The following OTULIN variants were observed in gnomAD, a reference collection of about 807,000 sequenced individuals.
OTULIN encodes OTU deubiquitinase with linear linkage specificity.
In OTULIN, 15 loss-of-function variants were observed where a neutral mutation model predicts 39.6. That is an observed-to-expected ratio of 0.38 (90% CI 0.25 to 0.58). The LOEUF is 0.58. OTULIN is among the 20% of genes least tolerant of loss of function. The pLI is 0.66. For missense variants in OTULIN, 319 were observed against 445.9 expected, an observed-to-expected ratio of 0.72 and a Z score of 2.56; for synonymous variants, 156 against 170.3, an observed-to-expected ratio of 0.92 and a Z score of 0.65.
chr5:14,673,774 A>C, intron 2 of OTULIN, 56 bp downstream of exon 2: 1 of 1,454,538 alleles, frequency 6.9e-7, no homozygotes, highest in East Asian at 2.3e-5. Flanking sequence ...CAGAAAATGC[A>C]GTTAAATCCG....
At chr5:14,673,225 C>T (rs1018301031) in intron 1 of OTULIN, among the ~76,000 whole-genome samples, 2 of 152,108 alleles carry the variant, frequency 1.3e-5, no homozygotes, top group Admixed American at 6.5e-5. Flanking sequence ...TTACAAAGGT[C>T]GGCAATGGGG....
intron 4 of OTULIN, among the ~76,000 whole-genome samples, chr5:14,685,857 T>G (rs1736375589): frequency 6.9e-6 from 1 of 145,662 alleles, no homozygotes; most frequent in African/African-American, 2.5e-5. Flanking sequence ...TAATTTTAGC[T>G]TGTTGCCACT....
At chr5:14,709,846 G>T in the OTULIN span, 3 of 152,580 alleles carry the variant, frequency 2.0e-5, no homozygotes, top group African/African-American at 7.2e-5. Context: ...TTGAAAATGC[G>T]AAAATAGGAA....
the OTULIN span, chr5:14,713,797 G>A: frequency 3.0e-6 from 4 of 1,329,934 alleles, no homozygotes; most frequent in Admixed American, 1.7e-5. This position sits in a 1 kb window ranked among gnomAD's most constrained non-coding sequence, Gnocchi z 4.4. Flanking sequence ...TTGAGCCGCT[G>A]GCCACCTCAT....
At chr5:14,708,015 C>T in the OTULIN span, 1 of 152,192 alleles carries the variant, frequency 6.6e-6, no homozygotes, top group African/African-American at 2.4e-5. Flanking sequence ...CGTCAATACT[C>T]CCTGAGCCAT....
chr5:14,675,613 A>G (rs1387208231), intron 2 of OTULIN, among the ~76,000 whole-genome samples: 1 of 152,208 alleles, frequency 6.6e-6, no homozygotes, highest in Non-Finnish European at 1.5e-5. Context: ...TTCACCCTGT[A>G]GGCTCTCGGT....
At chr5:14,711,038 G>GTA in the OTULIN span, 1 of 716,626 alleles carries the variant, frequency 1.4e-6, no homozygotes, top group Non-Finnish European at 2.5e-6. Context: ...AGCATACCCA[G>GTA]TATGCTAGAG....
the OTULIN span, among the ~76,000 whole-genome samples, chr5:14,713,990 C>T: frequency 6.6e-6 from 1 of 152,264 alleles, no homozygotes; most frequent in Admixed American, 6.5e-5. This position sits in a 1 kb window ranked among gnomAD's most constrained non-coding sequence, Gnocchi z 4.4. Flanking sequence ...GCCAGCCTCG[C>T]CCTCTGATCA....
intron 1 of OTULIN, among the ~76,000 whole-genome samples, chr5:14,669,864 A>G (rs114925822): frequency 0.013 from 2,053 of 152,346 alleles, 52 homozygotes; most frequent in Admixed American, 0.061. Flanking sequence ...ACACATAACT[A>G]TAGTGATCAG....
At chr5:14,711,983 C>T in the OTULIN span, among the ~76,000 whole-genome samples, 1 of 152,252 alleles carries the variant, frequency 6.6e-6, no homozygotes, top group South Asian at 2.1e-4. Context: ...ATCCCACCAA[C>T]CCTTCATTGT....
chr5:14,704,147 T>A (rs1458152875), downstream of OTULIN, among the ~76,000 whole-genome samples: 1 of 151,696 alleles, frequency 6.6e-6, no homozygotes, highest in South Asian at 2.1e-4. Flanking sequence ...CTAGCCAACA[T>A]GGTGAAACCC....
chr5:14,711,868 A>G, the OTULIN span, among the ~76,000 whole-genome samples: 1 of 151,688 alleles, frequency 6.6e-6, no homozygotes, highest in Admixed American at 6.6e-5. Flanking sequence ...GCCCCACCTC[A>G]GCCACTGCTG....
intron 5 of OTULIN, 152 bp downstream of exon 5, chr5:14,687,798 C>T: frequency 2.2e-6 from 2 of 896,784 alleles, no homozygotes; most frequent in Non-Finnish European, 3.3e-6. Context: ...AAACTCTTCC[C>T]ACGAGGGCTT....
At chr5:14,666,548 A>C (rs1735849666) in intron 1 of OTULIN, among the ~76,000 whole-genome samples, 1 of 152,184 alleles carries the variant, frequency 6.6e-6, no homozygotes, top group South Asian at 2.1e-4. Flanking sequence ...AGGCAGAGAG[A>C]CATGATTTAT....
chr5:14,716,004 CT>C, the OTULIN span, among the ~76,000 whole-genome samples: 2 of 152,122 alleles, frequency 1.3e-5, no homozygotes, highest in African/African-American at 4.8e-5. Context: ...CTCTATTTTT[CT>C]TTTTTTGATT....
the OTULIN span, chr5:14,713,538 A>C: frequency 6.2e-7 from 1 of 1,614,066 alleles, no homozygotes; most frequent in Non-Finnish European, 8.5e-7. This position sits in a 1 kb window ranked among gnomAD's most constrained non-coding sequence, Gnocchi z 4.4. Context: ...CTCCCTGACA[A>C]CATACCCCAG....
chr5:14,672,108 C>G (rs1006737399), intron 1 of OTULIN, among the ~76,000 whole-genome samples: 1 of 152,076 alleles, frequency 6.6e-6, no homozygotes, highest in East Asian at 1.9e-4. Context: ...TGGCGTGTAT[C>G]GTGATGTGTT....
At position 14,693,949 on chromosome 5, in the gene OTULIN, T is replaced by G. The variant is rs981982344; in HGVS notation, c.*901T>G. 7 of 152,170 alleles carry G rather than the reference T, an allele frequency of 4.6e-5. No individual in the cohort carries two copies. Among genetic ancestry groups the G allele is most frequent in the African/African-American group, 1.7e-4 (7 of 41,442 alleles). 9.4% of individuals were successfully genotyped at this position (152,170 alleles called of 1,614,324 possible). On this transcript the variant is annotated 3_prime_UTR_variant, in exon 7 of 7. Transcript: ENST00000284274. Reference sequence around the variant, plus strand: ...TTAATTATTCTACAGTTCCATAGATTCACAATTTTATAGCCAAACAGTTTG... The same window carrying G: ...TTAATTATTCTACAGTTCCATAGATGCACAATTTTATAGCCAAACAGTTTG...
chr5:14,688,646 GT>G (rs1194726289), intron 5 of OTULIN, among the ~76,000 whole-genome samples: 3 of 152,188 alleles, frequency 2.0e-5, no homozygotes, highest in Non-Finnish European at 4.4e-5. Flanking sequence ...AAGTCCAGTA[GT>G]TTTATCTTTC....
Sources: allele counts gnomAD v4.1 joint callset (sites outside exome capture counted in the v4.1 genomes callset), GRCh38; gene constraint gnomAD v4.1.1; non-coding constraint Gnocchi (gnomAD v3.1); transcripts MANE v1.5; gene names NCBI Gene and HGNC (gene_info 2026-07-23, HGNC 2026-07-21).